PDE1A: variants seen among roughly 807,000 people sequenced by gnomAD.
The protein encoded by PDE1A is phosphodiesterase 1A, also known as dual specificity calcium/calmodulin-dependent 3',5'-cyclic nucleotide phosphodiesterase 1A.
Under a neutral mutation model 61.7 loss-of-function variants are expected in PDE1A, and 35 were observed. The observed-to-expected ratio is 0.57, with a 90% CI of 0.43 to 0.75. The LOEUF is 0.75. Among genes scored for constraint, PDE1A ranks in the 30% least tolerant of loss-of-function variants. PDE1A has a pLI of 0.00. For synonymous variants in PDE1A, 232 were observed against 213.2 expected (o/e 1.09, Z -0.77); for missense variants, 597 against 630.6 (o/e 0.95, Z 0.57).
chr2:182,218,071 A>G (rs1439717404), intron 7 of PDE1A, among the ~76,000 whole-genome samples: 2 of 149,500 alleles, frequency 1.3e-5, no homozygotes, highest in African/African-American at 4.9e-5. Context: ...CATATACACC[A>G]TGGAATACTA....
At chr2:182,487,950 A>T (rs148496557) in intron 2 of PDE1A, among the ~76,000 whole-genome samples, 230 of 152,302 alleles carry the variant, frequency 1.5e-3, no homozygotes, top group Middle Eastern at 3.4e-3. Context: ...AAAAATATCA[A>T]ATAATTATTC....
chr2:182,280,493 C>T (rs2125848542), intron 1 of PDE1A, among the ~76,000 whole-genome samples: 1 of 151,982 alleles, frequency 6.6e-6, no homozygotes, highest in East Asian at 1.9e-4. Flanking sequence ...TTTCTGAATG[C>T]TAAAAATTTT....
chr2:182,156,600 A>T (rs189279576), intron 13 of PDE1A, among the ~76,000 whole-genome samples: 8 of 152,326 alleles, frequency 5.3e-5, no homozygotes, highest in Admixed American at 3.9e-4. Flanking sequence ...TCCTTCTCTA[A>T]CAAGCTACTA....
the PDE1A span, among the ~76,000 whole-genome samples, chr2:182,691,916 C>A: frequency 6.6e-6 from 1 of 151,636 alleles, no homozygotes; most frequent in Non-Finnish European, 1.5e-5. Flanking sequence ...CCAACAGACA[C>A]GAAAAAATGC....
upstream of PDE1A, among the ~76,000 whole-genome samples, chr2:182,523,407 C>T (rs190660916): frequency 6.6e-5 from 10 of 152,182 alleles, no homozygotes; most frequent in East Asian, 1.9e-3. Flanking sequence ...AGAACTGAGT[C>T]GTCTGCCAAG....
At chr2:182,668,609 G>A in the PDE1A span, among the ~76,000 whole-genome samples, 1 of 152,166 alleles carries the variant, frequency 6.6e-6, no homozygotes, top group Non-Finnish European at 1.5e-5. Flanking sequence ...GTAGTTGAAA[G>A]AACACTCAGG....
At chr2:182,582,009 A>T in the PDE1A span, among the ~76,000 whole-genome samples, 1 of 152,214 alleles carries the variant, frequency 6.6e-6, no homozygotes, top group Non-Finnish European at 1.5e-5. Context: ...ATACTGAATC[A>T]CATACCAAAG....
intron 2 of PDE1A, among the ~76,000 whole-genome samples, chr2:182,240,674 G>C (rs1036689696): frequency 6.6e-6 from 1 of 152,008 alleles, no homozygotes; most frequent in African/African-American, 2.4e-5. Context: ...ACTGGAGTGG[G>C]AAGAAAAAAG....
At chr2:182,644,897 G>A in the PDE1A span, among the ~76,000 whole-genome samples, 5 of 151,356 alleles carry the variant, frequency 3.3e-5, no homozygotes, top group Admixed American at 2.0e-4. Flanking sequence ...ATAGATAATA[G>A]CATTAAATTA....
chr2:182,186,688 G>C (rs769003504), intron 11 of PDE1A, 100 bp from the exon 12 acceptor site: 38 of 1,213,070 alleles, frequency 3.1e-5, no homozygotes, highest in Non-Finnish European at 4.3e-5. Context: ...ACAATCCTGG[G>C]ATAGCAAGAA....
At chr2:182,236,233 T>C (rs539528140) in intron 3 of PDE1A, among the ~76,000 whole-genome samples, 19 of 152,258 alleles carry the variant, frequency 1.2e-4, no homozygotes, top group African/African-American at 3.8e-4. Context: ...AAAATACTTA[T>C]ATTAATTACT....
At chr2:182,288,141 CTATTT>C (rs1296638850) in intron 1 of PDE1A, among the ~76,000 whole-genome samples, 2 of 152,084 alleles carry the variant, frequency 1.3e-5, no homozygotes, top group Admixed American at 6.6e-5. Context: ...ATGAAGACTT[CTATTT>C]TATTTCCTTC....
chr2:182,369,152 A>G (rs1699997233), intron 1 of PDE1A, among the ~76,000 whole-genome samples: 1 of 152,100 alleles, frequency 6.6e-6, no homozygotes, highest in Non-Finnish European at 1.5e-5. Context: ...CCATTAGGAT[A>G]TTTAGTATGC....
At chr2:182,446,050 T>C (rs1450746140) in intron 2 of PDE1A, among the ~76,000 whole-genome samples, 1 of 152,142 alleles carries the variant, frequency 6.6e-6, no homozygotes, top group African/African-American at 2.4e-5. Context: ...GTACACTTTT[T>C]TGGATTCATT....
At chr2:182,525,988 G>C (rs1433478027), upstream of PDE1A, among the ~76,000 whole-genome samples, 1 of 152,178 alleles carries the variant, frequency 6.6e-6, no homozygotes, top group East Asian at 1.9e-4. Flanking sequence ...AAAATCCCAA[G>C]TTAGCATCTG....
intron 13 of PDE1A, 184 bp downstream of exon 13, chr2:182,185,707 GA>G: frequency 8.6e-7 from 1 of 1,161,946 alleles, no homozygotes; most frequent in Non-Finnish European, 1.2e-6. Context: ...AAACAAACCA[GA>G]ACCTCTTTTT....
chr2:182,148,208 C>A (rs925659634), intron 13 of PDE1A, among the ~76,000 whole-genome samples: 1 of 152,246 alleles, frequency 6.6e-6, no homozygotes, highest in Admixed American at 6.5e-5. Flanking sequence ...TAATAAACAT[C>A]GTCAAACAAA....
At chr2:182,191,063 T>C (rs757495592) in intron 10 of PDE1A, among the ~76,000 whole-genome samples, 3 of 152,328 alleles carry the variant, frequency 2.0e-5, no homozygotes, top group Non-Finnish European at 4.4e-5. Flanking sequence ...TGAATAGTTT[T>C]AAAACACAGG....
At chr2:182,197,408 T>A (rs1011270209) in intron 10 of PDE1A, among the ~76,000 whole-genome samples, 3 of 151,778 alleles carry the variant, frequency 2.0e-5, no homozygotes, top group Non-Finnish European at 3.0e-5. Flanking sequence ...TTTTGCTTTT[T>A]TCCACTTCAT....
Sources: gnomAD v4.1 joint callset for allele counts (sites outside exome capture counted in the v4.1 genomes callset) on GRCh38, gnomAD v4.1.1 for gene constraint, MANE v1.5 for transcripts, NCBI Gene and HGNC (gene_info 2026-07-23, HGNC 2026-07-21) for gene names.